The following KATNAL1 variants were observed in gnomAD, a reference collection of about 807,000 sequenced individuals.
The protein encoded by KATNAL1 is katanin catalytic subunit A1 like 1.
Under a neutral mutation model 55.2 loss-of-function variants are expected in KATNAL1, and 32 were observed. The ratio of observed to expected loss-of-function variants is 0.58; its 90% CI spans 0.44 to 0.78. KATNAL1 has a LOEUF of 0.78. Among genes scored for constraint, KATNAL1 ranks in the 30% least tolerant of loss-of-function variants. The pLI is 0.00. For missense variants in KATNAL1, 466 were observed against 600.9 expected (o/e 0.78, Z 2.35); for synonymous variants, 193 against 193.6 (o/e 1.00, Z 0.02).
At chr13:30,294,705 T>A (rs1882365175) in intron 1 of KATNAL1, among the ~76,000 whole-genome samples, 1 of 152,196 alleles carries the variant, frequency 6.6e-6, no homozygotes, top group Non-Finnish European at 1.5e-5. Flanking sequence ...TGGAAAAATA[T>A]TTCATCTAAG....
At chr13:30,242,298 G>A (rs949068422) in intron 4 of KATNAL1, among the ~76,000 whole-genome samples, 1 of 152,124 alleles carries the variant, frequency 6.6e-6, no homozygotes, top group African/African-American at 2.4e-5. Flanking sequence ...TGTCCAAGTG[G>A]CTGGAAAGAA....
At chr13:30,212,466 C>T (rs1310446028) in intron 9 of KATNAL1, among the ~76,000 whole-genome samples, 5 of 152,224 alleles carry the variant, frequency 3.3e-5, no homozygotes, top group African/African-American at 9.6e-5. Flanking sequence ...CCTTGGCCGG[C>T]GTGGGATCAG....
At chr13:30,247,473 G>C (rs959064488) in intron 4 of KATNAL1, among the ~76,000 whole-genome samples, 1 of 152,192 alleles carries the variant, frequency 6.6e-6, no homozygotes, top group African/African-American at 2.4e-5. Flanking sequence ...TAAGCACTGA[G>C]GATATCGCAG....
intron 9 of KATNAL1, among the ~76,000 whole-genome samples, chr13:30,212,579 A>G (rs1182549916): frequency 1.3e-5 from 2 of 152,212 alleles, no homozygotes; most frequent in African/African-American, 4.8e-5. Flanking sequence ...CTGCAACACA[A>G]GCACTTTGGA....
chr13:30,213,506 T>C (rs941659964), intron 9 of KATNAL1, among the ~76,000 whole-genome samples: 3 of 152,174 alleles, frequency 2.0e-5, no homozygotes, highest in Non-Finnish European at 4.4e-5. Context: ...TTGATGAACA[T>C]TGATGCAAAA....
intron 9 of KATNAL1, among the ~76,000 whole-genome samples, chr13:30,224,489 A>G (rs1457304841): frequency 6.6e-6 from 1 of 151,942 alleles, no homozygotes; most frequent in Non-Finnish European, 1.5e-5. Context: ...AGCTAAGATC[A>G]TGCCACTGAA....
intron 6 of KATNAL1, among the ~76,000 whole-genome samples, chr13:30,234,010 T>C (rs932927452): frequency 3.9e-5 from 6 of 152,166 alleles, no homozygotes; most frequent in African/African-American, 9.7e-5. Flanking sequence ...AGGGTGACCA[T>C]AGTTTACAAT....
intron 1 of KATNAL1, among the ~76,000 whole-genome samples, chr13:30,286,734 T>C (rs529476836): frequency 5.5e-4 from 83 of 152,256 alleles, no homozygotes; most frequent in Non-Finnish European, 9.6e-4. Context: ...CAGCTTGCAT[T>C]ATGCATCTGG....
intron 4 of KATNAL1, among the ~76,000 whole-genome samples, chr13:30,246,062 G>A (rs202096): frequency 0.3 from 44,820 of 151,888 alleles, 7,637 homozygotes; most frequent in Admixed American, 0.44. Context: ...ATTTCATATG[G>A]AACCAAAAAG....
At chr13:30,270,103 G>A (rs1410298625) in intron 3 of KATNAL1, among the ~76,000 whole-genome samples, 7 of 124,164 alleles carry the variant, frequency 5.6e-5, no homozygotes, top group East Asian at 3.2e-4. Flanking sequence ...CCGGCCAGCC[G>A]CCCCGTCCGG....
At chr13:30,292,512 T>A (rs1882199697) in intron 1 of KATNAL1, among the ~76,000 whole-genome samples, 1 of 152,134 alleles carries the variant, frequency 6.6e-6, no homozygotes, top group Non-Finnish European at 1.5e-5. Context: ...AGTTTTATGC[T>A]TCCCTACCCC....
At chr13:30,297,497 C>T (rs1882591976) in intron 1 of KATNAL1, among the ~76,000 whole-genome samples, 1 of 152,198 alleles carries the variant, frequency 6.6e-6, no homozygotes, top group African/African-American at 2.4e-5. Flanking sequence ...CCATTTGACC[C>T]AGCAGTCCCA....
intron 3 of KATNAL1, among the ~76,000 whole-genome samples, chr13:30,271,985 G>A (rs1481063182): frequency 6.6e-6 from 1 of 151,838 alleles, no homozygotes; most frequent in Non-Finnish European, 1.5e-5. Context: ...TATTATGAAG[G>A]TTAAACAATG....
intron 9 of KATNAL1, among the ~76,000 whole-genome samples, chr13:30,213,930 T>C (rs1482965151): frequency 1.3e-5 from 2 of 151,868 alleles, no homozygotes; most frequent in African/African-American, 2.4e-5. Context: ...CCAGGGCAAT[T>C]AGGCAGGAGA....
chr13:30,296,055 AAAT>A, intron 1 of KATNAL1: 2 of 207,782 alleles, frequency 9.6e-6, no homozygotes, highest in Admixed American at 5.4e-5. Flanking sequence ...AAAAAAAAAA[AAAT>A]TTTAATTAGT....
intron 4 of KATNAL1, among the ~76,000 whole-genome samples, chr13:30,249,596 C>G (rs1347882443): frequency 6.6e-6 from 1 of 152,112 alleles, no homozygotes; most frequent in Non-Finnish European, 1.5e-5. Flanking sequence ...GAAATAATCT[C>G]ACAAATACAC....
chr13:30,254,301 A>G (rs1453649281), intron 4 of KATNAL1, among the ~76,000 whole-genome samples: 3 of 152,224 alleles, frequency 2.0e-5, no homozygotes, highest in Admixed American at 1.3e-4. Context: ...TTTAAAAGTT[A>G]ATGTATTTAT....
intron 3 of KATNAL1, among the ~76,000 whole-genome samples, chr13:30,256,712 A>G (rs1878825759): frequency 6.6e-6 from 1 of 152,234 alleles, no homozygotes; most frequent in Admixed American, 6.5e-5. Context: ...AAAAAAAGAA[A>G]AAAAAATGTG....
In KATNAL1 at chr13:30,280,184, T is replaced by C. The variant is rs900389057; in HGVS notation, c.202A>G (p.Ser68Gly). The change falls in exon 3 of 11, where the codon AGT becomes GGT. Residue 68 changes from serine (S) to glycine (G), a missense_variant. Physicochemically the swap from Ser to Gly is moderately conservative, Grantham distance 56. This residue lies in a region of KATNAL1 where 248 missense variants were observed against 275.5 expected (regional missense o/e 0.90). Transcript: ENST00000380615. The part of the protein sequence containing the change: ...ELLEEYEQVK[S>G]IVSTLESFKI... ...AAACTTTCTAAAGTGCTGACAATAC[T>C]TTTAACTTGTTCATATTCCTCCAAT... 6.2e-7 allele frequency: 1 copy of C among 1,609,880 alleles called. No individual in the cohort carries two copies. The highest frequency in any genetic ancestry group is 1.1e-5 in the South Asian group (1 of 90,076).
Sources: allele counts gnomAD v4.1 joint callset (sites outside exome capture counted in the v4.1 genomes callset), GRCh38; gene constraint gnomAD v4.1.1; regional missense constraint gnomAD v4.1.1; transcripts MANE v1.5; gene names NCBI Gene and HGNC (gene_info 2026-07-23, HGNC 2026-07-21).